KCND2: variants seen among roughly 807,000 people sequenced by gnomAD.
KCND2 encodes A-type voltage-gated potassium channel KCND2.
In KCND2, 16 loss-of-function variants were observed where a neutral mutation model predicts 54.4. The ratio of observed to expected loss-of-function variants is 0.29; its 90% confidence interval spans 0.20 to 0.45. The LOEUF (loss-of-function observed/expected upper bound fraction) is 0.45. KCND2 is among the 20% of genes least tolerant of loss of function. The probability of loss-of-function intolerance (pLI) is 1.00; values close to 1 mark genes in which losing one functional copy is unlikely to be tolerated. For missense variants in KCND2, 486 were observed against 824.2 expected, an observed-to-expected ratio of 0.59 and a Z score of 5.02; for synonymous variants, 317 against 310.7, an observed-to-expected ratio of 1.02 and a Z score of -0.21.
intron 1 of KCND2, among the ~76,000 whole-genome samples, chr7:120,370,134 A>G (rs954143790): frequency 3.9e-5 from 6 of 152,126 alleles, no homozygotes; most frequent in African/African-American, 1.4e-4. Flanking sequence ...TCCTGAAAGA[A>G]GATCATTCCA....
intron 1 of KCND2, among the ~76,000 whole-genome samples, chr7:120,550,100 A>C (rs1562870601): frequency 6.6e-6 from 1 of 151,892 alleles, no homozygotes; most frequent in Non-Finnish European, 1.5e-5. Flanking sequence ...TTCGTTCAGC[A>C]CTCATCATCT....
At chr7:120,604,242 C>T (rs1792849952) in intron 1 of KCND2, among the ~76,000 whole-genome samples, 1 of 151,712 alleles carries the variant, frequency 6.6e-6, no homozygotes, top group South Asian at 2.1e-4. Flanking sequence ...TGGCTCACGC[C>T]TGTAATCCTA....
At chr7:120,534,480 C>A (rs1791878620) in intron 1 of KCND2, among the ~76,000 whole-genome samples, 1 of 152,050 alleles carries the variant, frequency 6.6e-6, no homozygotes, top group African/African-American at 2.4e-5. Context: ...CAAACAAAAT[C>A]TGAGAAACTG....
intron 1 of KCND2, among the ~76,000 whole-genome samples, chr7:120,489,052 T>C (rs1410393710): frequency 2.0e-5 from 3 of 152,126 alleles, no homozygotes; most frequent in African/African-American, 7.2e-5. Flanking sequence ...TAGAAATAAA[T>C]TTAGTTTTTT....
intron 1 of KCND2, among the ~76,000 whole-genome samples, chr7:120,333,757 T>C (rs1432511401): frequency 2.0e-5 from 3 of 152,098 alleles, no homozygotes; most frequent in Non-Finnish European, 4.4e-5. Flanking sequence ...AACACTTTGG[T>C]TCTGGGTTCA....
At chr7:120,312,261 C>T (rs927307563) in intron 1 of KCND2, among the ~76,000 whole-genome samples, 3 of 152,038 alleles carry the variant, frequency 2.0e-5, no homozygotes, top group Non-Finnish European at 2.9e-5. Context: ...ATATGCACCA[C>T]ATTCTCTTTA....
At chr7:120,651,532 G>A (rs1044670340) in intron 1 of KCND2, among the ~76,000 whole-genome samples, 16 of 152,280 alleles carry the variant, frequency 1.1e-4, no homozygotes, top group African/African-American at 3.6e-4. Context: ...CCCTTGGCTA[G>A]GAAAGGGAAT....
chr7:120,704,678 C>T (rs183941927), intron 1 of KCND2, among the ~76,000 whole-genome samples: 123 of 152,224 alleles, frequency 8.1e-4, no homozygotes, highest in South Asian at 8.3e-4. Context: ...GTATCTTATA[C>T]GTGTTAAGCT....
intron 1 of KCND2, among the ~76,000 whole-genome samples, chr7:120,716,329 A>C (rs1792602728): frequency 6.6e-6 from 1 of 152,056 alleles, no homozygotes; most frequent in Non-Finnish European, 1.5e-5. Flanking sequence ...TTAAGAAAAA[A>C]AATGGCCACT....
At chr7:120,362,182 G>A (rs1009056613) in intron 1 of KCND2, among the ~76,000 whole-genome samples, 2 of 152,024 alleles carry the variant, frequency 1.3e-5, no homozygotes, top group African/African-American at 2.4e-5. Flanking sequence ...CTTAAAGAAT[G>A]TTTTTCTAAA....
intron 1 of KCND2, among the ~76,000 whole-genome samples, chr7:120,429,996 A>G (rs766277316): frequency 9.2e-5 from 14 of 152,222 alleles, no homozygotes; most frequent in Non-Finnish European, 1.6e-4. Context: ...AGAGAATGCT[A>G]TACCAGCAGA....
chr7:120,368,556 A>C (rs1204349437), intron 1 of KCND2, among the ~76,000 whole-genome samples: 6 of 152,100 alleles, frequency 3.9e-5, no homozygotes, highest in Non-Finnish European at 1.5e-5. Flanking sequence ...AAGTTAAAAA[A>C]TATTTGAGAG....
chr7:120,460,435 CT>C (rs1393948345), intron 1 of KCND2, among the ~76,000 whole-genome samples: 4 of 152,038 alleles, frequency 2.6e-5, no homozygotes, highest in Non-Finnish European at 5.9e-5. Context: ...TTCTTGCATC[CT>C]GATTACAAGT....
At chr7:120,656,479 G>C (rs955363508) in intron 1 of KCND2, among the ~76,000 whole-genome samples, 1 of 152,134 alleles carries the variant, frequency 6.6e-6, no homozygotes, top group African/African-American at 2.4e-5. Flanking sequence ...TGGTAAAAAC[G>C]GATCTTTCCA....
intron 1 of KCND2, among the ~76,000 whole-genome samples, chr7:120,297,216 C>T (rs571288222): frequency 6.6e-6 from 1 of 152,058 alleles, no homozygotes; most frequent in Non-Finnish European, 1.5e-5. Context: ...AATGTCTGTC[C>T]AATGAGATAG....
chr7:120,519,702 C>A (rs761661642), intron 1 of KCND2, among the ~76,000 whole-genome samples: 3 of 152,160 alleles, frequency 2.0e-5, no homozygotes, highest in Non-Finnish European at 4.4e-5. Flanking sequence ...TTCCCCAATT[C>A]TCTTTCATAT....
intron 1 of KCND2, among the ~76,000 whole-genome samples, chr7:120,375,424 A>G (rs1800823058): frequency 6.6e-6 from 1 of 151,826 alleles, no homozygotes; most frequent in Non-Finnish European, 1.5e-5. Context: ...CTTATTACAT[A>G]CCATACAGAA....
chr7:120,725,273 A>G (rs1792719138), intron 1 of KCND2, among the ~76,000 whole-genome samples: 1 of 152,024 alleles, frequency 6.6e-6, no homozygotes. Context: ...ATTTCATGTA[A>G]TTTTCACACT....
At chr7:120,404,091 G>C (rs931905879) in intron 1 of KCND2, among the ~76,000 whole-genome samples, 3 of 152,088 alleles carry the variant, frequency 2.0e-5, no homozygotes, top group African/African-American at 7.2e-5. Context: ...GAGAGTTTGG[G>C]CTTTCTTGTT....
Sources: allele counts gnomAD v4.1 joint callset (sites outside exome capture counted in the v4.1 genomes callset), GRCh38; gene constraint gnomAD v4.1.1; transcripts MANE v1.5; gene names NCBI Gene and HGNC (gene_info 2026-07-23, HGNC 2026-07-21).